Variants in CCDC18 observed in about 807,000 individuals in gnomAD.
CCDC18 encodes coiled-coil domain containing 18, also known as coiled-coil domain-containing protein 18.
Under a neutral mutation model 196.0 loss-of-function variants are expected in CCDC18, and 157 were observed. The ratio of observed to expected loss-of-function variants is 0.80; its 90% CI spans 0.70 to 0.91. The LOEUF is 0.91. CCDC18 is among the 40% of genes least tolerant of loss of function. The probability of loss-of-function intolerance (pLI) is 0.00; values close to 1 mark genes in which losing one functional copy is unlikely to be tolerated. For missense variants in CCDC18, 1,465 were observed against 1,611.6 expected (o/e 0.91, Z 1.56); for synonymous variants, 482 against 529.2 (o/e 0.91, Z 1.22).
At chr1:93,226,526 TA>T (rs1658351366) in intron 17 of CCDC18, 77 bp downstream of exon 17, 1 of 56,818 alleles carries the variant, frequency 1.8e-5, no homozygotes, top group African/African-American at 8.6e-4. Context: ...TAGGACAAAA[TA>T]TATATATATA....
intron 11 of CCDC18, 122 bp downstream of exon 11, chr1:93,212,383 G>A (rs1655796169): frequency 9.4e-6 from 5 of 533,200 alleles, no homozygotes; most frequent in Non-Finnish European, 1.6e-5. Context: ...GTGCAGATTT[G>A]TTACATAGGT....
intron 26 of CCDC18, among the ~76,000 whole-genome samples, chr1:93,261,553 G>A: frequency 6.6e-6 from 1 of 151,996 alleles, no homozygotes; most frequent in Non-Finnish European, 1.5e-5. Flanking sequence ...TGAAAGCACA[G>A]TGCTTTCAAA....
In CCDC18 at chr1:93,246,960, T is replaced by G. The variant is rs1661570955; in HGVS notation, c.3198+6T>G. 9.1e-7 allele frequency: 1 copy of G among 1,099,500 alleles called. No homozygotes were observed. The highest frequency in any genetic ancestry group is 1.6e-5 in the African/African-American group (1 of 61,752). 68.1% of individuals were successfully genotyped at this position (1,099,500 alleles called of 1,614,324 possible). On this transcript the variant is annotated splice_donor_region_variant and intron_variant, in intron 23 of 28. Coordinates refer to ENST00000690025, the MANE Select transcript of CCDC18 (RefSeq NM_001378204.1). ...TTAAAGAATGTAACAAACAGGTAAATTATTTTAAAATTACGTATTTTAAAT... is the reference window on the plus strand; with the variant it reads ...TTAAAGAATGTAACAAACAGGTAAAGTATTTTAAAATTACGTATTTTAAAT...
chr1:93,254,762 T>C, intron 24 of CCDC18, 148 bp downstream of exon 24: 1 of 748,804 alleles, frequency 1.3e-6, no homozygotes, highest in East Asian at 2.6e-5. Flanking sequence ...ACCTGTTAGT[T>C]TCTTTGACCT....
Position 93,254,456 on chromosome 1 carries a change from CTG to C in CCDC18, c.3199-13_3199-12del. 6.5e-7 allele frequency: 1 copy of C among 1,535,046 alleles called. No individual in the cohort carries two copies. Among genetic ancestry groups the C allele is most frequent in the Non-Finnish European group, 8.9e-7 (1 of 1,124,782 alleles). On this transcript the variant is annotated splice_polypyrimidine_tract_variant and intron_variant, in intron 23 of 28. Coordinates refer to ENST00000690025, the MANE Select transcript of CCDC18 (RefSeq NM_001378204.1). ...CATTAATTTTACTGATACTGCTTATCTGTTTAAAATTCAGATAGAAAGTCTGA... is the reference window on the plus strand; with the variant it reads ...CATTAATTTTACTGATACTGCTTATCTTTAAAATTCAGATAGAAAGTCTGA...
intron 1 of CCDC18, among the ~76,000 whole-genome samples, chr1:93,182,683 C>T (rs1043999203): frequency 2.0e-5 from 3 of 152,170 alleles, no homozygotes; most frequent in Admixed American, 6.5e-5. Context: ...AAAAGCTTTT[C>T]TTCATTTCTA....
chr1:93,245,972 C>T (rs1189778485), intron 21 of CCDC18, 133 bp from the exon 22 acceptor site: 2 of 463,680 alleles, frequency 4.3e-6, no homozygotes, highest in Non-Finnish European at 7.7e-6. Flanking sequence ...TTAAATTTGA[C>T]CCTTTCAATC....
intron 7 of CCDC18, among the ~76,000 whole-genome samples, chr1:93,202,903 G>C (rs1654080061): frequency 6.6e-6 from 1 of 152,160 alleles, no homozygotes; most frequent in African/African-American, 2.4e-5. Flanking sequence ...AGGTGGCAGT[G>C]GTTAATAAAC....
chr1:93,231,640 TTTC>T (rs944957878), intron 17 of CCDC18, among the ~76,000 whole-genome samples: 8 of 152,208 alleles, frequency 5.3e-5, no homozygotes, highest in African/African-American at 1.7e-4. Flanking sequence ...GGAATTTATT[TTTC>T]TTCTTAATAG....
At chr1:93,180,365 G>A, upstream of CCDC18, 1 of 1,312,978 alleles carries the variant, frequency 7.6e-7, no homozygotes, top group Non-Finnish European at 1.0e-6. Flanking sequence ...TCCAGGTGGC[G>A]GCCGCGGCGG....
intron 21 of CCDC18, among the ~76,000 whole-genome samples, chr1:93,241,098 G>A (rs1374641097): frequency 6.6e-6 from 1 of 151,988 alleles, no homozygotes; most frequent in Non-Finnish European, 1.5e-5. Context: ...GGGATTACAG[G>A]CACCTGCCAC....
chr1:93,193,740 A>G lies in CCDC18; in HGVS notation c.694A>G (p.Lys232Glu), dbSNP rs1250705636. Residue 232 changes from lysine (K) to glutamate (E), a missense_variant, in exon 6 of 29, where the codon AAA becomes GAA. Physicochemically the swap from Lys to Glu is moderately conservative, Grantham distance 56. Transcript: ENST00000690025. ...CTTACTTGAACAAACCAAACAAGGA[A>G]AAAGGTATGTGTTTTTAAAGCAAAT... ...VDLLEQTKQG[K>E]RAERQRNEAL... 2 of 1,554,932 alleles carry G rather than the reference A, an allele frequency of 1.3e-6. No homozygotes were observed. The highest frequency in any genetic ancestry group is 2.8e-5 in the African/African-American group (2 of 70,832).
rs1334769443 is a variant in CCDC18, at chr1:93,183,068, ATAAT to A, written c.-2-288_-2-285del. Reference sequence around the variant, plus strand: ...TTAGTTTCCTTAACATGTAATGAAAATAATTAACAATTGTTAGGAAGATCAGGTA... The same window carrying A: ...TTAGTTTCCTTAACATGTAATGAAAATAACAATTGTTAGGAAGATCAGGTA... On this transcript the variant is annotated intron_variant, in intron 1 of 28. Coordinates refer to ENST00000690025, the MANE Select transcript of CCDC18 (RefSeq NM_001378204.1). Among the ~76,000 whole-genome samples, 12 of 152,294 alleles carry A rather than the reference ATAAT, an allele frequency of 7.9e-5. No homozygotes were observed. The South Asian group carries it at 2.3e-3, about 29-fold the overall frequency.
rs143486555 is a variant in CCDC18, at chr1:93,247,654, G to A, written c.3198+700G>A. Reference sequence around the variant, plus strand: ...AGGTCTCAAACTCCTGGGCTCAAGCGATCTTCCCCCCTCAGCTTCCCAAAG... The same window carrying A: ...AGGTCTCAAACTCCTGGGCTCAAGCAATCTTCCCCCCTCAGCTTCCCAAAG... On this transcript the variant is annotated intron_variant, in intron 23 of 28. Coordinates refer to ENST00000690025, the MANE Select transcript of CCDC18 (RefSeq NM_001378204.1). Among the ~76,000 whole-genome samples the A allele has an allele frequency of 1.7e-3, 266 of 152,026 alleles. 4 individuals carry two copies. The East Asian group carries it at 0.029, about 16-fold the overall frequency.
intron 6 of CCDC18, among the ~76,000 whole-genome samples, chr1:93,196,624 T>A (rs1652779187): frequency 6.6e-6 from 1 of 152,232 alleles, no homozygotes; most frequent in Non-Finnish European, 1.5e-5. Context: ...AAATTCTTTA[T>A]ACATTTATCA....
In CCDC18 at chr1:93,201,877, CTT is replaced by C. The variant is rs1330264175; in HGVS notation, c.699-11_699-10del. On this transcript the variant is annotated splice_polypyrimidine_tract_variant and intron_variant, in intron 6 of 28. Transcript: ENST00000690025. ...CATTCTTCACTTTTATTCATTATCT[CTT>C]TTTAAATTTTAGAGCTGAACGACAA... 1 of 1,516,538 alleles carries C rather than the reference CTT, an allele frequency of 6.6e-7. No individual in the cohort carries two copies. The highest frequency in any genetic ancestry group is 1.4e-5 in the African/African-American group (1 of 71,114). 93.9% of individuals were successfully genotyped at this position (1,516,538 alleles called of 1,614,324 possible). A position where few individuals can be genotyped will look rare whatever the true frequency, so the allele number is the denominator to read the frequency against.
At chr1:93,183,010 G>A (rs1390692819) in intron 1 of CCDC18, among the ~76,000 whole-genome samples, 1 of 152,134 alleles carries the variant, frequency 6.6e-6, no homozygotes, top group East Asian at 1.9e-4. Context: ...TACAGTTTGT[G>A]TGACTTTGAG....
At chr1:93,227,339 T>C (rs1201683143) in intron 17 of CCDC18, among the ~76,000 whole-genome samples, 2 of 151,696 alleles carry the variant, frequency 1.3e-5, no homozygotes, top group Non-Finnish European at 2.9e-5. Flanking sequence ...TTTGTATTTT[T>C]TTTTTTTTAG....
chr1:93,265,229 G>A (rs1369060109), intron 27 of CCDC18, among the ~76,000 whole-genome samples: 4 of 152,132 alleles, frequency 2.6e-5, no homozygotes, highest in African/African-American at 7.2e-5. Context: ...TAGGCCGGGC[G>A]TGGTGGCTCA....
Sources: allele counts gnomAD v4.1 joint callset (sites outside exome capture counted in the v4.1 genomes callset), GRCh38; gene constraint gnomAD v4.1.1; transcripts MANE v1.5; gene names NCBI Gene and HGNC (gene_info 2026-07-23, HGNC 2026-07-21).